The following IGF2BP3 variants were observed in gnomAD, a reference collection of about 807,000 sequenced individuals.
The protein encoded by IGF2BP3 is insulin-like growth factor 2 mRNA-binding protein 3.
A neutral mutation model predicts 73.8 loss-of-function variants in IGF2BP3; 9 were observed. The ratio of observed to expected loss-of-function variants is 0.12; its 90% CI spans 0.07 to 0.21. The LOEUF is 0.21. Ranked by LOEUF, IGF2BP3 falls within the 10% of genes least tolerant of loss-of-function variation. The probability of loss-of-function intolerance (pLI) is 1.00; values close to 1 mark genes in which losing one functional copy is unlikely to be tolerated. For missense variants in IGF2BP3, 542 were observed against 714.0 expected, an observed-to-expected ratio of 0.76 and a Z score of 2.75; for synonymous variants, 258 against 256.7, an observed-to-expected ratio of 1.01 and a Z score of -0.05.
chr7:23,397,450 T>C lies in IGF2BP3; in HGVS notation c.285+21326A>G, dbSNP rs531318716. Among the ~76,000 whole-genome samples, 201 of 152,268 alleles carry C rather than the reference T, an allele frequency of 1.3e-3. 1 individual carries two copies. Among genetic ancestry groups the C allele is most frequent in the South Asian group, 2.5e-3 (12 of 4,828 alleles). On this transcript the variant is annotated intron_variant, in intron 3 of 14. Transcript: ENST00000258729. ...AACTAGCACCATCTCAGCTCTGATG[T>C]TGAACTGCAGCCGTCTCCTCTAAGG... is the stretch of plus-strand genomic sequence containing the variant.
At chr7:23,417,615 T>C (rs1787229366) in intron 3 of IGF2BP3, among the ~76,000 whole-genome samples, 1 of 152,152 alleles carries the variant, frequency 6.6e-6, no homozygotes, top group Admixed American at 6.6e-5. Flanking sequence ...TCATACCAGA[T>C]GTAGCTCCTG....
intron 12 of IGF2BP3, among the ~76,000 whole-genome samples, chr7:23,314,293 C>T (rs1783915924): frequency 6.6e-6 from 1 of 152,072 alleles, no homozygotes; most frequent in African/African-American, 2.4e-5. Flanking sequence ...AGTGATTCTC[C>T]TGCCTCAGCC....
At chr7:23,312,686 T>C (rs1783865403) in intron 14 of IGF2BP3, 49 bp downstream of exon 14, 2 of 1,302,038 alleles carry the variant, frequency 1.5e-6, no homozygotes, top group Non-Finnish European at 1.1e-6. Context: ...TGTGGGAGAA[T>C]TGCTTCCACG....
At chr7:23,442,650 A>G (rs906766804) in intron 2 of IGF2BP3, among the ~76,000 whole-genome samples, 41 of 152,210 alleles carry the variant, frequency 2.7e-4, no homozygotes, top group African/African-American at 9.1e-4. Flanking sequence ...CACCCACCTC[A>G]GCCTCCCAAA....
At chr7:23,446,618 T>C (rs1475397951) in intron 2 of IGF2BP3, among the ~76,000 whole-genome samples, 3 of 152,126 alleles carry the variant, frequency 2.0e-5, no homozygotes, top group Admixed American at 6.6e-5. Flanking sequence ...AAGCCACTAT[T>C]TGACAGCCAC....
chr7:23,439,663 C>CT (rs1397678155), intron 2 of IGF2BP3, among the ~76,000 whole-genome samples: 1 of 152,122 alleles, frequency 6.6e-6, no homozygotes, highest in African/African-American at 2.4e-5. Flanking sequence ...CACACTACCC[C>CT]TATGAGTTTA....
intron 2 of IGF2BP3, among the ~76,000 whole-genome samples, chr7:23,444,811 A>G (rs1376857582): frequency 6.6e-6 from 1 of 151,936 alleles, no homozygotes; most frequent in African/African-American, 2.4e-5. Flanking sequence ...GGCTCATGCC[A>G]GTAATCCCAG....
intron 12 of IGF2BP3, 144 bp downstream of exon 12, chr7:23,317,495 T>G (rs1414005899): frequency 1.6e-6 from 1 of 643,522 alleles, no homozygotes; most frequent in Non-Finnish European, 2.8e-6. Context: ...GAAATATAAT[T>G]TTGAGTGTGA....
At chr7:23,409,402 G>C (rs539090910) in intron 3 of IGF2BP3, among the ~76,000 whole-genome samples, 1 of 152,308 alleles carries the variant, frequency 6.6e-6, no homozygotes, top group Non-Finnish European at 1.5e-5. Context: ...TAGACTTGCT[G>C]GTTCCAAAAT....
At chr7:23,460,631 T>C (rs756703674) in intron 2 of IGF2BP3, among the ~76,000 whole-genome samples, 3 of 152,004 alleles carry the variant, frequency 2.0e-5, no homozygotes, top group Non-Finnish European at 2.9e-5. Flanking sequence ...CTCTAACATA[T>C]ACATAAGTAC....
rs757980547 is a variant in IGF2BP3, at chr7:23,377,738, G to A, written c.286-15997C>T. Among the ~76,000 whole-genome samples the A allele has an allele frequency of 3.0e-4, 45 of 152,146 alleles. 1 individual carries two copies. The highest frequency in any genetic ancestry group is 1.6e-3 in the Admixed American group (24 of 15,268). On this transcript the variant is annotated intron_variant, in intron 3 of 14. Transcript: ENST00000258729. ...CAGCTGCTGGATGGATAAACAGTAA[G>A]TGGTATATTCACACAATAATTATTA...
At chr7:23,374,291 G>A (rs1282669786) in intron 3 of IGF2BP3, among the ~76,000 whole-genome samples, 1 of 152,108 alleles carries the variant, frequency 6.6e-6, no homozygotes, top group Non-Finnish European at 1.5e-5. Context: ...TCATCCCTCG[G>A]TATCTGTGAG....
chr7:23,360,708 G>A (rs1785203468), intron 5 of IGF2BP3, among the ~76,000 whole-genome samples: 1 of 152,162 alleles, frequency 6.6e-6, no homozygotes, highest in South Asian at 2.1e-4. Flanking sequence ...CCCCTTCAGG[G>A]CTCAGAGTCA....
chr7:23,374,285 C>T (rs1785650135), intron 3 of IGF2BP3, among the ~76,000 whole-genome samples: 2 of 152,138 alleles, frequency 1.3e-5, no homozygotes, highest in Admixed American at 1.3e-4. Flanking sequence ...AAACAGTCAT[C>T]CCTCGGTATC....
At chr7:23,449,554 CTTTTTTT>C (rs376571131) in intron 2 of IGF2BP3, among the ~76,000 whole-genome samples, 1,274 of 106,902 alleles carry the variant, frequency 0.012, 16 homozygotes, top group African/African-American at 0.025. Context: ...TTTTCTTTTT[CTTTTTTT>C]TTTTTTTTTT....
rs1283017948 is a variant in IGF2BP3, at chr7:23,347,748, C to A, written c.684-14G>T. Reference sequence around the variant, plus strand: ...TGGACATCGATTCTGATAGTGGGCGCAAGCAGAGAGGAAAACGAGAGCAGT... The same window carrying A: ...TGGACATCGATTCTGATAGTGGGCGAAAGCAGAGAGGAAAACGAGAGCAGT... On this transcript the variant is annotated splice_polypyrimidine_tract_variant and intron_variant, in intron 6 of 14. Transcript: ENST00000258729. The A allele has an allele frequency of 1.2e-6, 2 of 1,613,828 alleles. No individual in the cohort carries two copies. Among genetic ancestry groups the A allele is most frequent in the Non-Finnish European group, 1.7e-6 (2 of 1,179,940 alleles).
chr7:23,456,877 C>T (rs1039984649), intron 2 of IGF2BP3, among the ~76,000 whole-genome samples: 7 of 151,934 alleles, frequency 4.6e-5, no homozygotes, highest in South Asian at 2.1e-4. Flanking sequence ...TGGTGAACCC[C>T]GTCTCTACTA....
intron 3 of IGF2BP3, chr7:23,414,970 C>G (rs1181406993): frequency 5.5e-6 from 1 of 182,762 alleles, no homozygotes; most frequent in Non-Finnish European, 1.2e-5. Context: ...CCCCATCCGT[C>G]AGTCAGCATC....
At chr7:23,380,431 G>A (rs1785873763) in intron 3 of IGF2BP3, among the ~76,000 whole-genome samples, 1 of 151,960 alleles carries the variant, frequency 6.6e-6, no homozygotes, top group Admixed American at 6.6e-5. Context: ...CCAAAGTGCT[G>A]GGGTTACAGG....
Sources: gnomAD v4.1 joint callset for allele counts (sites outside exome capture counted in the v4.1 genomes callset) on GRCh38, gnomAD v4.1.1 for gene constraint, MANE v1.5 for transcripts, NCBI Gene and HGNC (gene_info 2026-07-23, HGNC 2026-07-21) for gene names.